PAK1: variants seen among roughly 807,000 people sequenced by gnomAD.
PAK1 encodes the protein serine/threonine-protein kinase PAK 1.
In PAK1, 29 loss-of-function variants were observed where a neutral mutation model predicts 67.4. The observed-to-expected ratio is 0.43, with a 90% confidence interval of 0.32 to 0.59. The LOEUF (loss-of-function observed/expected upper bound fraction) is 0.59. Ranked by LOEUF, PAK1 falls within the 20% of genes least tolerant of loss-of-function variation. The probability of loss-of-function intolerance (pLI) is 0.07; values close to 1 mark genes in which losing one functional copy is unlikely to be tolerated. For missense variants in PAK1, 337 were observed against 670.7 expected (o/e 0.50, Z 5.50); for synonymous variants, 223 against 237.4 (o/e 0.94, Z 0.56).
chr11:77,385,864 A>G (rs1417575064), intron 2 of PAK1, among the ~76,000 whole-genome samples: 1 of 152,190 alleles, frequency 6.6e-6, no homozygotes, highest in Non-Finnish European at 1.5e-5. Flanking sequence ...TCAAAAAAAA[A>G]AGAATTCTTT....
intron 1 of PAK1, among the ~76,000 whole-genome samples, chr11:77,428,002 A>G (rs2602458): frequency 0.36 from 54,049 of 152,068 alleles, 9,785 homozygotes; most frequent in South Asian, 0.51. Flanking sequence ...AGGAGTAGCC[A>G]GTGGCGATAG....
the PAK1 span, among the ~76,000 whole-genome samples, chr11:77,483,841 G>A: frequency 1.3e-5 from 2 of 152,178 alleles, no homozygotes; most frequent in Non-Finnish European, 1.5e-5. Flanking sequence ...ATTTAGTAAA[G>A]TAGACATGTC....
At chr11:77,455,744 C>A (rs978157333) in intron 1 of PAK1, 1 of 152,334 alleles carries the variant, frequency 6.6e-6, no homozygotes, top group Non-Finnish European at 1.5e-5. Context: ...ATTCCCATGA[C>A]ACCTGGCCCT....
At chr11:77,394,807 T>C (rs541337751) in intron 1 of PAK1, among the ~76,000 whole-genome samples, 45 of 152,270 alleles carry the variant, frequency 3.0e-4, no homozygotes, top group African/African-American at 8.2e-4. Context: ...ATCACGCCAC[T>C]GCATTCCAGC....
At chr11:77,509,094 T>C in the PAK1 span, among the ~76,000 whole-genome samples, 11 of 151,224 alleles carry the variant, frequency 7.3e-5, no homozygotes, top group South Asian at 1.9e-3. Context: ...CCGTCTCTAC[T>C]AAAAATACAA....
intron 1 of PAK1, among the ~76,000 whole-genome samples, chr11:77,440,842 T>C (rs147884238): frequency 2.1e-4 from 31 of 150,874 alleles, no homozygotes; most frequent in South Asian, 4.2e-4. Context: ...CCCACCTCTA[T>C]CTGCCCCTCC....
At chr11:77,465,900 G>A (rs1957575159) in intron 1 of PAK1, among the ~76,000 whole-genome samples, 1 of 152,186 alleles carries the variant, frequency 6.6e-6, no homozygotes, top group South Asian at 2.1e-4. Context: ...AGTGAGCTAT[G>A]ATGGAGCTAC....
chr11:77,523,317 C>G, the PAK1 span, among the ~76,000 whole-genome samples: 7 of 151,566 alleles, frequency 4.6e-5, no homozygotes, highest in East Asian at 3.9e-4. Context: ...ATGCAGTGGT[C>G]AAGGAGAGGG....
At chr11:77,427,184 G>T (rs1955595644) in intron 1 of PAK1, among the ~76,000 whole-genome samples, 1 of 152,170 alleles carries the variant, frequency 6.6e-6, no homozygotes, top group African/African-American at 2.4e-5. Context: ...TGACACTTCA[G>T]CCTAAGTGTC....
At chr11:77,431,886 G>A (rs1955877662) in intron 1 of PAK1, among the ~76,000 whole-genome samples, 1 of 152,154 alleles carries the variant, frequency 6.6e-6, no homozygotes, top group Non-Finnish European at 1.5e-5. Context: ...TCCTATAACT[G>A]CTGAATGGCC....
chr11:77,454,725 C>T (rs1957008586), intron 1 of PAK1, among the ~76,000 whole-genome samples: 1 of 152,208 alleles, frequency 6.6e-6, no homozygotes. Flanking sequence ...CTTTGAGAAG[C>T]ACTGTTCTCA....
At chr11:77,383,730 G>A (rs1950129986) in intron 2 of PAK1, among the ~76,000 whole-genome samples, 2 of 152,144 alleles carry the variant, frequency 1.3e-5, no homozygotes, top group Admixed American at 1.3e-4. Context: ...AAGTCATACA[G>A]TCCCAGAGCC....
chr11:77,322,152 G>C lies in PAK1; in HGVS notation c.*1122C>G, dbSNP rs1188576685. ...GCTGGCCAGGGGTCCTACCATAGTGGGAGAACCAAAACCACAAAAATAGCA... is the reference window on the plus strand; with the variant it reads ...GCTGGCCAGGGGTCCTACCATAGTGCGAGAACCAAAACCACAAAAATAGCA... On this transcript the variant is annotated 3_prime_UTR_variant, in exon 15 of 15. Coordinates refer to ENST00000356341, the MANE Select transcript of PAK1 (RefSeq NM_002576.5). The C allele has an allele frequency of 9.4e-6, 2 of 212,012 alleles. No individual in the cohort carries two copies. Among genetic ancestry groups the C allele is most frequent in the African/African-American group, 4.5e-5 (2 of 44,146 alleles). The allele number at this position is 212,012 out of a possible 1,614,324, so 13.1% of individuals were successfully genotyped here.
rs150661839 is a variant in PAK1, at chr11:77,378,642, G to A, written c.439+599C>T. On this transcript the variant is annotated intron_variant, in intron 4 of 14. Coordinates refer to ENST00000356341, the MANE Select transcript of PAK1 (RefSeq NM_002576.5). ...CTCACTCTGTTGCCCAGGCTGGAGT[G>A]TAGTGGTGTGATCCTTGCTCACTGC... Among the ~76,000 whole-genome samples, 362 of 152,216 alleles carry A rather than the reference G, an allele frequency of 2.4e-3. 3 individuals are homozygous for A. Among genetic ancestry groups the A allele is most frequent in the African/African-American group, 8.3e-3 (344 of 41,536 alleles).
intron 14 of PAK1, among the ~76,000 whole-genome samples, chr11:77,328,127 T>G (rs1213213115): frequency 6.6e-6 from 1 of 152,196 alleles, no homozygotes; most frequent in Non-Finnish European, 1.5e-5. Context: ...GCACCCAGAT[T>G]CATAAAGCAA....
intron 13 of PAK1, among the ~76,000 whole-genome samples, chr11:77,334,173 AAAAAAATAAAAT>A (rs1396878410): frequency 3.3e-5 from 5 of 151,588 alleles, no homozygotes; most frequent in Non-Finnish European, 7.4e-5. Flanking sequence ...CATCTCAAAA[AAAAAAATAAAAT>A]AAAAATAAAA....
the PAK1 span, among the ~76,000 whole-genome samples, chr11:77,528,362 C>T: frequency 7.0e-6 from 1 of 142,654 alleles, no homozygotes. Context: ...ACATATGTCT[C>T]TTTTTTTTTT....
At chr11:77,443,416 C>G (rs1956451689) in intron 1 of PAK1, among the ~76,000 whole-genome samples, 1 of 152,032 alleles carries the variant, frequency 6.6e-6, no homozygotes, top group African/African-American at 2.4e-5. Flanking sequence ...TGGCTCTGCT[C>G]AGTGAAGTCA....
intron 14 of PAK1, among the ~76,000 whole-genome samples, chr11:77,328,705 T>A (rs1203220211): frequency 2.6e-5 from 4 of 151,840 alleles, no homozygotes; most frequent in South Asian, 2.1e-4. Flanking sequence ...TTGACACCCT[T>A]ACATCACAAT....
Sources: gnomAD v4.1 joint callset for allele counts (sites outside exome capture counted in the v4.1 genomes callset) on GRCh38, gnomAD v4.1.1 for gene constraint, MANE v1.5 for transcripts, NCBI Gene and HGNC (gene_info 2026-07-23, HGNC 2026-07-21) for gene names.